FNTA: variants seen among roughly 807,000 people sequenced by gnomAD.
FNTA encodes the protein farnesyltransferase, CAAX box, subunit alpha, also known as protein farnesyltransferase/geranylgeranyltransferase type-1 subunit alpha.
In FNTA, 27 loss-of-function variants were observed where a neutral mutation model predicts 55.2. The observed-to-expected ratio is 0.49, with a 90% CI of 0.36 to 0.67. The LOEUF (loss-of-function observed/expected upper bound fraction) is 0.67. Among genes scored for constraint, FNTA ranks in the 30% least tolerant of loss-of-function variants. The pLI, the probability that FNTA is intolerant of heterozygous loss-of-function variation, is 0.00. For synonymous variants in FNTA, 176 were observed against 170.7 expected (o/e 1.03, Z -0.24); for missense variants, 422 against 464.7 (o/e 0.91, Z 0.85).
chr8:43,059,314 G>T (rs1318756338), intron 2 of FNTA, 137 bp downstream of exon 2: 1 of 609,414 alleles, frequency 1.6e-6, no homozygotes, highest in East Asian at 3.0e-5. Flanking sequence ...TTAATTTTGT[G>T]TTTTTTTTAT....
chr8:43,068,836 C>A (rs1225507948), intron 3 of FNTA, among the ~76,000 whole-genome samples: 1 of 152,132 alleles, frequency 6.6e-6, no homozygotes, highest in Non-Finnish European at 1.5e-5. Flanking sequence ...CCTCAGTCTC[C>A]CAGGTAGCTG....
chr8:43,083,248 A>G (rs1811060403), intron 7 of FNTA, 68 bp downstream of exon 7: 5 of 865,480 alleles, frequency 5.8e-6, no homozygotes, highest in Non-Finnish European at 7.4e-6. Flanking sequence ...CATGGAGTGT[A>G]TTCCATAATC....
At chr8:43,064,844 ATT>A (rs1218557745) in intron 3 of FNTA, among the ~76,000 whole-genome samples, 2 of 141,028 alleles carry the variant, frequency 1.4e-5, no homozygotes, top group Non-Finnish European at 1.6e-5. Context: ...TTTTACTTTT[ATT>A]TTTTTTTTTT....
At chr8:43,061,710 A>G (rs1478145645) in intron 2 of FNTA, among the ~76,000 whole-genome samples, 1 of 152,006 alleles carries the variant, frequency 6.6e-6, no homozygotes, top group East Asian at 1.9e-4. Flanking sequence ...GAGCATGACA[A>G]TATGTTGTTT....
intron 1 of FNTA, 28 bp downstream of exon 1, chr8:43,056,574 G>T: frequency 1.5e-6 from 2 of 1,351,800 alleles, no homozygotes; most frequent in Non-Finnish European, 1.9e-6. Context: ...GCCGCGGCTC[G>T]GGACACTCCC....
intron 3 of FNTA, 108 bp downstream of exon 3, chr8:43,064,323 TG>T: frequency 1.5e-6 from 1 of 669,294 alleles, no homozygotes; most frequent in South Asian, 1.8e-5. Flanking sequence ...TTATTTTTTT[TG>T]GAGGGGGGTG....
intron 6 of FNTA, chr8:43,077,667 G>T (rs776567186): frequency 5.5e-6 from 1 of 182,952 alleles, no homozygotes; most frequent in East Asian, 1.3e-4. Flanking sequence ...TTAGATAATC[G>T]TCCCCAGATG....
At chr8:43,069,892 C>T (rs1563327819) in intron 4 of FNTA, among the ~76,000 whole-genome samples, 1 of 152,024 alleles carries the variant, frequency 6.6e-6, no homozygotes, top group South Asian at 2.1e-4. Flanking sequence ...GATCCGCCCT[C>T]CTCAGCCTCC....
intron 7 of FNTA, among the ~76,000 whole-genome samples, chr8:43,084,218 T>C (rs918376828): frequency 1.1e-4 from 14 of 125,774 alleles, no homozygotes; most frequent in African/African-American, 4.7e-4. Flanking sequence ...GTAATTATCC[T>C]TTTTTTTTTT....
At chr8:43,063,857 G>A (rs910183993) in intron 2 of FNTA, among the ~76,000 whole-genome samples, 13 of 152,138 alleles carry the variant, frequency 8.5e-5, no homozygotes, top group Non-Finnish European at 1.5e-4. Context: ...ATGGAATCTG[G>A]CATGAACTCA....
chr8:43,078,234 G>A (rs1355527966), intron 6 of FNTA: 1 of 152,158 alleles, frequency 6.6e-6, no homozygotes, highest in African/African-American at 2.4e-5. Context: ...TCTGGAGCGT[G>A]CACTACCCCT....
At chr8:43,058,452 A>G (rs1810461647) in intron 1 of FNTA, among the ~76,000 whole-genome samples, 1 of 152,174 alleles carries the variant, frequency 6.6e-6, no homozygotes, top group Non-Finnish European at 1.5e-5. Flanking sequence ...TTACTAGACC[A>G]ATGAGTTAGA....
At chr8:43,060,052 C>G (rs1329448062) in intron 2 of FNTA, among the ~76,000 whole-genome samples, 1 of 152,106 alleles carries the variant, frequency 6.6e-6, no homozygotes, top group Admixed American at 6.6e-5. Flanking sequence ...TGGCTGTGCA[C>G]TTAGATAAAA....
chr8:43,058,978 C>T (rs1452514722), intron 1 of FNTA, 114 bp from the exon 2 acceptor site: 7 of 722,296 alleles, frequency 9.7e-6, no homozygotes, highest in Middle Eastern at 3.6e-4. Flanking sequence ...ACATTATGAG[C>T]CCTGTAAGTT....
chr8:43,081,354 T>C (rs1811023095), intron 6 of FNTA: 1 of 152,224 alleles, frequency 6.6e-6, no homozygotes, highest in Non-Finnish European at 1.5e-5. Flanking sequence ...CATGGCCCTT[T>C]TTCTAGACTA....
intron 1 of FNTA, chr8:43,057,371 A>G (rs552464739): frequency 1.2e-4 from 18 of 152,204 alleles, no homozygotes; most frequent in Non-Finnish European, 2.6e-4. Flanking sequence ...CTACCCATAT[A>G]TATTTTTTTG....
intron 7 of FNTA, 113 bp downstream of exon 7, chr8:43,083,293 T>C: frequency 3.1e-6 from 2 of 649,554 alleles, no homozygotes; most frequent in Non-Finnish European, 5.2e-6. Context: ...TTTTTCATTT[T>C]TCTGAACCTA....
At chr8:43,069,195 A>C (rs2130554545) in intron 3 of FNTA, among the ~76,000 whole-genome samples, 2 of 151,596 alleles carry the variant, frequency 1.3e-5, no homozygotes, top group Middle Eastern at 3.4e-3. Flanking sequence ...GGCTCATTGC[A>C]ACCTCTGCCT....
Position 43,074,374 on chromosome 8 carries a change from A to T in FNTA, c.633+2067A>T, listed in dbSNP as rs186367572. Among the ~76,000 whole-genome samples the T allele has an allele frequency of 2.4e-3, 365 of 152,242 alleles. 3 individuals are homozygous for T. Among genetic ancestry groups the T allele is most frequent in the African/African-American group, 8.3e-3 (343 of 41,540 alleles). ...CCCGTCTCTACAAAAAATACAAAAA[A>T]ATGAGACGAGCGTAGTGGCGCATGC... is the stretch of plus-strand genomic sequence containing the variant. On this transcript the variant is annotated intron_variant, in intron 5 of 8. Transcript: ENST00000302279.
Sources: allele counts gnomAD v4.1 joint callset (sites outside exome capture counted in the v4.1 genomes callset), GRCh38; gene constraint gnomAD v4.1.1; transcripts MANE v1.5; gene names NCBI Gene and HGNC (gene_info 2026-07-23, HGNC 2026-07-21).